PDE1A: variants seen among roughly 807,000 people sequenced by gnomAD.
The protein encoded by PDE1A is dual specificity calcium/calmodulin-dependent 3',5'-cyclic nucleotide phosphodiesterase 1A.
Under a neutral mutation model 61.7 loss-of-function variants are expected in PDE1A, and 35 were observed. That is an observed-to-expected ratio of 0.57 (90% CI 0.43 to 0.75). The LOEUF is 0.75. PDE1A is among the 30% of genes least tolerant of loss of function. The pLI, the probability that PDE1A is intolerant of heterozygous loss-of-function variation, is 0.00. For synonymous variants in PDE1A, 232 were observed against 213.2 expected (o/e 1.09, Z -0.77); for missense variants, 597 against 630.6 (o/e 0.95, Z 0.57).
At chr2:182,673,868 T>C in the PDE1A span, among the ~76,000 whole-genome samples, 14 of 151,684 alleles carry the variant, frequency 9.2e-5, no homozygotes, top group African/African-American at 3.4e-4. Flanking sequence ...TTTTCTAGGC[T>C]GATCACCCTA....
At chr2:182,688,640 C>A in the PDE1A span, among the ~76,000 whole-genome samples, 1 of 152,122 alleles carries the variant, frequency 6.6e-6, no homozygotes, top group Non-Finnish European at 1.5e-5. Context: ...GAATAACCAG[C>A]TAACATCATA....
rs561002951 is a variant in PDE1A, at chr2:182,398,470, T to C, written c.53+28108A>G. Among the ~76,000 whole-genome samples the C allele has an allele frequency of 1.9e-4, 29 of 152,206 alleles. 1 individual carries two copies. Among genetic ancestry groups the C allele is most frequent in the African/African-American group, 7.0e-4 (29 of 41,580 alleles). On this transcript the variant is annotated intron_variant, in intron 1 of 13. Coordinates refer to ENST00000351439, the Ensembl canonical transcript of PDE1A. ...TAAATCATTTACCATTGACTCTTTA[T>C]CCTCTAGTATTTCATTAAAAGCTAT...
At chr2:182,170,347 TC>T (rs1692084191) in intron 13 of PDE1A, among the ~76,000 whole-genome samples, 1 of 152,060 alleles carries the variant, frequency 6.6e-6, no homozygotes, top group East Asian at 1.9e-4. Context: ...ACTCCCAAAT[TC>T]ATAACTTTCA....
chr2:182,601,209 A>G, the PDE1A span, among the ~76,000 whole-genome samples: 1 of 152,080 alleles, frequency 6.6e-6, no homozygotes, highest in Non-Finnish European at 1.5e-5. Flanking sequence ...TGAGCAAGTG[A>G]GTGTAGGGTC....
chr2:182,326,631 T>C (rs1356086931), intron 1 of PDE1A, among the ~76,000 whole-genome samples: 2 of 152,144 alleles, frequency 1.3e-5, no homozygotes, highest in Non-Finnish European at 2.9e-5. Flanking sequence ...TGGAGATGGA[T>C]GGGGTGATGG....
intron 2 of PDE1A, among the ~76,000 whole-genome samples, chr2:182,256,486 A>G (rs1456280840): frequency 2.0e-5 from 3 of 152,160 alleles, no homozygotes; most frequent in Admixed American, 2.0e-4. Flanking sequence ...TAGAAATACC[A>G]TTTGACCCAG....
At chr2:182,708,187 A>G in the PDE1A span, among the ~76,000 whole-genome samples, 1 of 152,172 alleles carries the variant, frequency 6.6e-6, no homozygotes, top group Admixed American at 6.5e-5. Flanking sequence ...GGCTCCCCAG[A>G]TTCAAATTCC....
At chr2:182,511,713 T>C (rs1234367841) in intron 2 of PDE1A, among the ~76,000 whole-genome samples, 1 of 152,178 alleles carries the variant, frequency 6.6e-6, no homozygotes, top group Non-Finnish European at 1.5e-5. Flanking sequence ...AGAGCCAATC[T>C]GATCTGGGAG....
the PDE1A span, among the ~76,000 whole-genome samples, chr2:182,597,885 C>G: frequency 6.6e-6 from 1 of 152,194 alleles, no homozygotes; most frequent in Non-Finnish European, 1.5e-5. Flanking sequence ...GGAGACTTCT[C>G]AAAAGGCACT....
At chr2:182,691,596 A>T in the PDE1A span, among the ~76,000 whole-genome samples, 1 of 152,172 alleles carries the variant, frequency 6.6e-6, no homozygotes, top group Non-Finnish European at 1.5e-5. Context: ...AACCTAGGCA[A>T]TACCATTCAG....
At chr2:182,472,940 T>A (rs1687123150) in intron 2 of PDE1A, among the ~76,000 whole-genome samples, 1 of 70,186 alleles carries the variant, frequency 1.4e-5, no homozygotes, top group South Asian at 8.8e-4. Context: ...AAAATTTTAT[T>A]AATTTTTTTT....
the PDE1A span, among the ~76,000 whole-genome samples, chr2:182,697,778 A>G: frequency 3.3e-5 from 5 of 152,360 alleles, no homozygotes; most frequent in African/African-American, 1.2e-4. Context: ...CGCATTTCAC[A>G]TAGCTCAACC....
intron 1 of PDE1A, among the ~76,000 whole-genome samples, chr2:182,415,603 AG>A (rs1172239763): frequency 6.6e-6 from 1 of 152,164 alleles, no homozygotes; most frequent in African/African-American, 2.4e-5. Context: ...ACACTTTCAA[AG>A]CAACTGCCTG....
chr2:182,262,371 TCCTCCCACCTCAG>T (rs929325388), intron 2 of PDE1A, among the ~76,000 whole-genome samples: 10 of 152,088 alleles, frequency 6.6e-5, no homozygotes, highest in African/African-American at 2.4e-4. Context: ...GCTCAAGTGA[TCCTCCCACCTCAG>T]CCTCCCAAAT....
At chr2:182,393,327 G>A (rs527406465) in intron 1 of PDE1A, among the ~76,000 whole-genome samples, 128 of 152,186 alleles carry the variant, frequency 8.4e-4, no homozygotes, top group Middle Eastern at 3.4e-3. Context: ...GGGATGCAGG[G>A]CACCAAGTCC....
chr2:182,692,197 T>G, the PDE1A span, among the ~76,000 whole-genome samples: 3 of 152,074 alleles, frequency 2.0e-5, no homozygotes, highest in Non-Finnish European at 4.4e-5. Flanking sequence ...GGAATATAAA[T>G]CATGCTGCTA....
chr2:182,634,646 C>T, the PDE1A span, among the ~76,000 whole-genome samples: 7 of 152,196 alleles, frequency 4.6e-5, no homozygotes, highest in Middle Eastern at 3.4e-3. Context: ...CCTTGAAATG[C>T]AAAATCTTTC....
the PDE1A span, among the ~76,000 whole-genome samples, chr2:182,646,616 G>A: frequency 4.0e-5 from 6 of 151,676 alleles, no homozygotes; most frequent in African/African-American, 7.3e-5. Flanking sequence ...CCCGGGAGGC[G>A]GAGGTTGCAG....
At chr2:182,158,149 C>T (rs1012198927) in intron 13 of PDE1A, among the ~76,000 whole-genome samples, 5 of 152,150 alleles carry the variant, frequency 3.3e-5, no homozygotes, top group Admixed American at 6.6e-5. Flanking sequence ...GAAGAAATTG[C>T]CTCCCTTGGA....
Sources: gnomAD v4.1 joint callset for allele counts (sites outside exome capture counted in the v4.1 genomes callset) on GRCh38, gnomAD v4.1.1 for gene constraint, MANE v1.5 for transcripts, NCBI Gene and HGNC (gene_info 2026-07-23, HGNC 2026-07-21) for gene names.